Variants in GREB1 observed in about 807,000 individuals in gnomAD.
The protein encoded by GREB1 is growth regulating estrogen receptor binding 1.
Under a neutral mutation model 200.7 loss-of-function variants are expected in GREB1, and 106 were observed. That is an observed-to-expected ratio of 0.53 (90% CI 0.45 to 0.62). The LOEUF (loss-of-function observed/expected upper bound fraction) is 0.62. GREB1 is among the 20% of genes least tolerant of loss of function. The probability of loss-of-function intolerance (pLI) is 0.00; values close to 1 mark genes in which losing one functional copy is unlikely to be tolerated. For missense variants in GREB1, 2,243 were observed against 2,556.8 expected (o/e 0.88, Z 2.65); for synonymous variants, 1,132 against 1,092.4 (o/e 1.04, Z -0.72).
At chr2:11,531,540 ATTTTAT>A (rs2148491228), upstream of GREB1, among the ~76,000 whole-genome samples, 1 of 152,222 alleles carries the variant, frequency 6.6e-6, no homozygotes, top group East Asian at 1.9e-4. Context: ...TCTTGCTTTT[ATTTTAT>A]TTTTAAACAT....
At chr2:11,500,043 GTCATC>G (rs1672986939) in intron 1 of GREB1, among the ~76,000 whole-genome samples, 1 of 152,152 alleles carries the variant, frequency 6.6e-6, no homozygotes, top group East Asian at 1.9e-4. Context: ...ATGCAGTGGT[GTCATC>G]TCAGCTCACT....
rs759003885 is a variant in GREB1, at chr2:11,632,897, C to T, written c.4825C>T (p.His1609Tyr). ...TGCTTTGCCCACTGCAGGTGCTGCT[C>T]ATTTCCTCATCAAGGAGCTGTCCTA... is the stretch of plus-strand genomic sequence containing the variant. ...IFNSAGVGAA[H>Y]FLIKELSYHN... is the part of the protein sequence containing the mutation. The change falls in exon 28 of 33, where the codon CAT becomes TAT. Residue 1609 changes from histidine to tyrosine, a missense_variant. This residue lies in a region of GREB1 where 478 missense variants were observed against 616.3 expected (regional missense o/e 0.78). Coordinates refer to ENST00000381486, the MANE Select transcript of GREB1 (RefSeq NM_014668.4). 4 of 1,613,816 alleles carry T rather than the reference C, an allele frequency of 2.5e-6. No individual in the cohort carries two copies. Among genetic ancestry groups the T allele is most frequent in the Non-Finnish European group, 3.4e-6 (4 of 1,179,906 alleles).
intron 4 of GREB1, among the ~76,000 whole-genome samples, chr2:11,573,021 G>A (rs1054281688): frequency 3.3e-5 from 5 of 152,186 alleles, no homozygotes; most frequent in African/African-American, 1.2e-4. Context: ...CTATGAAGCC[G>A]CTGTTGTCGG....
At chr2:11,572,206 C>A (rs1056932723) in intron 4 of GREB1, among the ~76,000 whole-genome samples, 1 of 152,246 alleles carries the variant, frequency 6.6e-6, no homozygotes, top group Non-Finnish European at 1.5e-5. Context: ...CATCCACTCT[C>A]CTGGGAAGGC....
intron 7 of GREB1, among the ~76,000 whole-genome samples, chr2:11,582,998 C>G (rs7576944): frequency 0.27 from 41,435 of 152,072 alleles, 9,443 homozygotes; most frequent in African/African-American, 0.63. Context: ...GCAGGATGCA[C>G]AATGTCCCGC....
chr2:11,508,585 A>G (rs1241791958), intron 1 of GREB1, among the ~76,000 whole-genome samples: 2 of 152,186 alleles, frequency 1.3e-5, no homozygotes, highest in Non-Finnish European at 2.9e-5. Context: ...AAGAACGTAC[A>G]TAATCCTCCC....
chr2:11,495,127 C>T (rs1467413760), intron 1 of GREB1, among the ~76,000 whole-genome samples: 1 of 152,194 alleles, frequency 6.6e-6, no homozygotes, highest in Non-Finnish European at 1.5e-5. Flanking sequence ...TGCTTATCTC[C>T]ATGCCTCTTT....
At chr2:11,489,466 A>T (rs201275551) in intron 1 of GREB1, among the ~76,000 whole-genome samples, 7 of 152,232 alleles carry the variant, frequency 4.6e-5, no homozygotes, top group Non-Finnish European at 1.0e-4. Flanking sequence ...CTTGGGGGAA[A>T]AAAAAATAAA....
At position 11,597,101 on chromosome 2, in the gene GREB1, G is replaced by A. The variant is rs1681341042; in HGVS notation, c.1955-680G>A. On this transcript the variant is annotated intron_variant, in intron 13 of 32. Coordinates refer to ENST00000381486, the MANE Select transcript of GREB1 (RefSeq NM_014668.4). This position sits in a 1 kb window ranked among gnomAD's most constrained non-coding sequence, Gnocchi z 4.1. Reference sequence around the variant, plus strand: ...CTAAGTGGGTGCTGAGGGGACAGAGGGCTCATGTGTGCTCGGTGGGCGATG... The same window carrying A: ...CTAAGTGGGTGCTGAGGGGACAGAGAGCTCATGTGTGCTCGGTGGGCGATG... Among the ~76,000 whole-genome samples, 1 of 152,030 alleles carries A rather than the reference G, an allele frequency of 6.6e-6. No individual in the cohort carries two copies. Among genetic ancestry groups the A allele is most frequent in the Admixed American group, 6.5e-5 (1 of 15,268 alleles).
intron 10 of GREB1, among the ~76,000 whole-genome samples, chr2:11,589,993 A>G (rs1680567531): frequency 6.6e-6 from 1 of 152,122 alleles, no homozygotes; most frequent in Non-Finnish European, 1.5e-5. Flanking sequence ...TTTAAGACAC[A>G]CTGGCTTACA....
At position 11,534,085 on chromosome 2, in the gene GREB1, G is replaced by A. The variant is rs1373636975; in HGVS notation, c.-331G>A. ...GATACATAAATACTGCAGTAGAGAT[G>A]GGATTTTACCTCAAAGTGCAAAGGT... On this transcript the variant is annotated 5_prime_UTR_variant, in exon 1 of 33. An upstream start codon of the reference 5' UTR is lost. Coordinates refer to ENST00000381486, the MANE Select transcript of GREB1 (RefSeq NM_014668.4). 1 of 152,168 alleles carries A rather than the reference G, an allele frequency of 6.6e-6. No homozygotes were observed. Among genetic ancestry groups the A allele is most frequent in the African/African-American group, 2.4e-5 (1 of 41,428 alleles). The allele number at this position is 152,168 out of a possible 1,614,324, so 9.4% of individuals were successfully genotyped here.
At chr2:11,611,622 G>A (rs936872220) in intron 18 of GREB1, among the ~76,000 whole-genome samples, 2 of 152,180 alleles carry the variant, frequency 1.3e-5, no homozygotes, top group African/African-American at 4.8e-5. Flanking sequence ...CACTTAGGTT[G>A]GTGTCTTTCC....
rs200459394 is a variant in GREB1, at chr2:11,612,477, C to A, written c.3007-18C>A. On this transcript the variant is annotated intron_variant, in intron 18 of 32. Transcript: ENST00000381486. ...AAGGGAGGCGTCTGTGGCTTTATTTCTTTTTCGTTATCTGCAGATGTGGCA... is the reference window on the plus strand; with the variant it reads ...AAGGGAGGCGTCTGTGGCTTTATTTATTTTTCGTTATCTGCAGATGTGGCA... 2,004 of 1,583,530 alleles carry A rather than the reference C, an allele frequency of 1.3e-3. 2 individuals are homozygous for A. Among genetic ancestry groups the A allele is most frequent in the Non-Finnish European group, 1.7e-3 (1,939 of 1,152,920 alleles).
intron 1 of GREB1, among the ~76,000 whole-genome samples, chr2:11,537,803 ATT>A (rs1347268753): frequency 1.3e-5 from 2 of 149,508 alleles, no homozygotes; most frequent in Non-Finnish European, 3.0e-5. Flanking sequence ...ACATACATGT[ATT>A]TTAATATATA....
At chr2:11,639,120 C>T (rs949012747) in intron 32 of GREB1, among the ~76,000 whole-genome samples, 1 of 152,168 alleles carries the variant, frequency 6.6e-6, no homozygotes, top group Non-Finnish European at 1.5e-5. Context: ...GATGGAGTCT[C>T]GCTCTGTCAC....
rs537522196 is a variant in GREB1 at position 11,612,184 on chromosome 2, ACT to A, written c.3007-308_3007-307del. The A allele has an allele frequency of 1.0e-3, 386 of 375,796 alleles. 4 individuals carry two copies. The South Asian group carries it at 0.013, about 13-fold the overall frequency. 23.3% of individuals were successfully genotyped at this position (375,796 alleles called of 1,614,324 possible). On this transcript the variant is annotated intron_variant, in intron 18 of 32. Transcript: ENST00000381486. ...ACTCCAGCCTGGGTGACTCAGCGAG[ACT>A]CTGTCTCAAAAAAAAAAAAAAAAGA...
intron 1 of GREB1, among the ~76,000 whole-genome samples, chr2:11,483,619 G>A (rs375130161): frequency 6.6e-6 from 1 of 151,574 alleles, no homozygotes; most frequent in Non-Finnish European, 1.5e-5. Flanking sequence ...AGGGGAGGTG[G>A]GGACTTCCTA....
chr2:11,629,507 G>T lies in GREB1; in HGVS notation c.4450-441G>T, dbSNP rs550377410. 6.6e-6 allele frequency among the ~76,000 whole-genome samples: 1 copy of T among 152,194 alleles called. No homozygotes were observed. Among genetic ancestry groups the T allele is most frequent in the Non-Finnish European group, 1.5e-5 (1 of 68,036 alleles). ...AGGACAGAACGGTGCCTGGCGAGCC[G>T]TGTTATAGGAGTGTCCAAGCATATG... On this transcript the variant is annotated intron_variant, in intron 25 of 32. Coordinates refer to ENST00000381486, the MANE Select transcript of GREB1 (RefSeq NM_014668.4). The surrounding 1 kb of genome is among the most constrained non-coding windows in gnomAD (Gnocchi z 5.2).
At chr2:11,619,606 A>G (rs569058656) in intron 22 of GREB1, among the ~76,000 whole-genome samples, 1 of 152,368 alleles carries the variant, frequency 6.6e-6, no homozygotes, top group East Asian at 1.9e-4. Context: ...TCAGTTTAAA[A>G]TCGTTGTCTC....
Sources: allele counts gnomAD v4.1 joint callset (sites outside exome capture counted in the v4.1 genomes callset), GRCh38; gene constraint gnomAD v4.1.1; regional missense constraint gnomAD v4.1.1; non-coding constraint Gnocchi (gnomAD v3.1); transcripts MANE v1.5; gene names NCBI Gene and HGNC (gene_info 2026-07-23, HGNC 2026-07-21).